Variants in CDH18 observed in about 807,000 individuals in gnomAD.
CDH18 encodes the protein cadherin-18.
A neutral mutation model predicts 67.9 loss-of-function variants in CDH18; 31 were observed. The observed-to-expected ratio is 0.46, with a 90% CI of 0.34 to 0.62. The LOEUF is 0.62. Among genes scored for constraint, CDH18 ranks in the 20% least tolerant of loss-of-function variants. CDH18 has a pLI of 0.01. For synonymous variants in CDH18, 362 were observed against 347.2 expected, an observed-to-expected ratio of 1.04 and a Z score of -0.48; for missense variants, 890 against 975.5, an observed-to-expected ratio of 0.91 and a Z score of 1.17.
At chr5:19,685,016 C>T (rs555489893) in intron 5 of CDH18, among the ~76,000 whole-genome samples, 8 of 152,156 alleles carry the variant, frequency 5.3e-5, no homozygotes, top group Admixed American at 2.0e-4. Context: ...GAATGGCTTA[C>T]GTGACATGTC....
chr5:19,621,214 A>AG lies in CDH18; in HGVS notation c.644-8614dup, dbSNP rs1254558096. Among the ~76,000 whole-genome samples, 3 of 102,906 alleles carry AG rather than the reference A, an allele frequency of 2.9e-5. No homozygotes were observed. In the Admixed American group the frequency reaches 3.2e-4, roughly 11 times the overall value. The allele number at this position is 102,906 out of a possible 152,430, so 67.5% of individuals were successfully genotyped here. ...TGTGGTTTAGCCTAAACAAGAACCC[A>AG]GGTTTTTTTTTTTTTTTTGGATGTA... On this transcript the variant is annotated intron_variant, in intron 5 of 12. Transcript: ENST00000382275.
intron 1 of CDH18, among the ~76,000 whole-genome samples, chr5:19,986,328 GAGTTTCC>G (rs1252652733): frequency 1.3e-5 from 2 of 152,160 alleles, no homozygotes; most frequent in African/African-American, 4.8e-5. Context: ...GTTACAGCTA[GAGTTTCC>G]TGCCACTCAC....
intron 7 of CDH18, among the ~76,000 whole-genome samples, chr5:19,585,046 A>G (rs917080263): frequency 1.3e-5 from 2 of 151,988 alleles, no homozygotes; most frequent in African/African-American, 4.8e-5. Flanking sequence ...AACTTATTAA[A>G]TGTCAAGAAT....
intron 5 of CDH18, among the ~76,000 whole-genome samples, chr5:19,627,664 C>T (rs1243339643): frequency 3.9e-5 from 6 of 152,110 alleles, no homozygotes. Context: ...TAAACATACA[C>T]TTATATACAT....
At chr5:19,729,991 T>C (rs994154470) in intron 4 of CDH18, among the ~76,000 whole-genome samples, 1 of 152,064 alleles carries the variant, frequency 6.6e-6, no homozygotes, top group Non-Finnish European at 1.5e-5. Context: ...TTTCTGTCTC[T>C]CTCTCCCTGC....
chr5:19,695,893 G>A (rs1041827851), intron 5 of CDH18, among the ~76,000 whole-genome samples: 3 of 152,124 alleles, frequency 2.0e-5, no homozygotes, highest in African/African-American at 7.2e-5. Flanking sequence ...ATCAAAATAA[G>A]GTTGATGGTA....
intron 1 of CDH18, among the ~76,000 whole-genome samples, chr5:20,434,813 C>A (rs2150181397): frequency 6.6e-6 from 1 of 151,970 alleles, no homozygotes; most frequent in South Asian, 2.1e-4. Flanking sequence ...TCAGAGACGC[C>A]ACAAGCATTC....
chr5:19,833,414 T>C (rs1356392092), intron 3 of CDH18, among the ~76,000 whole-genome samples: 1 of 152,098 alleles, frequency 6.6e-6, no homozygotes, highest in Non-Finnish European at 1.5e-5. Context: ...CTTAAGGAAA[T>C]TTTGGGCTTA....
At chr5:19,616,069 G>A (rs1749782632) in intron 5 of CDH18, among the ~76,000 whole-genome samples, 1 of 152,084 alleles carries the variant, frequency 6.6e-6, no homozygotes, top group Non-Finnish European at 1.5e-5. Context: ...TTTCTGGATT[G>A]TATAATGAAT....
At chr5:19,738,206 C>T (rs1466132254) in intron 4 of CDH18, among the ~76,000 whole-genome samples, 1 of 151,914 alleles carries the variant, frequency 6.6e-6, no homozygotes, top group Admixed American at 6.6e-5. Context: ...CTACGGACCA[C>T]TATAATATCA....
At chr5:20,376,089 CAA>C (rs1446475474) in intron 1 of CDH18, among the ~76,000 whole-genome samples, 1 of 19,682 alleles carries the variant, frequency 5.1e-5, no homozygotes, top group Non-Finnish European at 1.3e-4. Flanking sequence ...TAAAAAGAAA[CAA>C]TTTTTTTTTT....
chr5:19,910,017 T>A (rs1452871532), intron 2 of CDH18, among the ~76,000 whole-genome samples: 1 of 152,174 alleles, frequency 6.6e-6, no homozygotes, highest in African/African-American at 2.4e-5. Context: ...GTAATAAACA[T>A]CCTTTATGGG....
chr5:20,114,206 C>T (rs1747707182), intron 2 of CDH18, among the ~76,000 whole-genome samples: 1 of 152,122 alleles, frequency 6.6e-6, no homozygotes, highest in African/African-American at 2.4e-5. Context: ...ATAAACTGTA[C>T]CTAAAAATAT....
At chr5:20,254,831 C>G (rs79337452) in intron 2 of CDH18, among the ~76,000 whole-genome samples, 317 of 152,090 alleles carry the variant, frequency 2.1e-3, no homozygotes, top group African/African-American at 7.3e-3. Context: ...CATTGCAACA[C>G]TAGGCACAAT....
chr5:19,748,817 A>ATTTT (rs1244360842), intron 3 of CDH18, among the ~76,000 whole-genome samples: 1 of 152,172 alleles, frequency 6.6e-6, no homozygotes, highest in Non-Finnish European at 1.5e-5. Flanking sequence ...CAACTGAAAC[A>ATTTT]TAAATGATAG....
intron 3 of CDH18, among the ~76,000 whole-genome samples, chr5:19,775,543 G>A (rs146112714): frequency 1.4e-5 from 2 of 144,340 alleles, no homozygotes; most frequent in African/African-American, 2.8e-5. Flanking sequence ...GAAAGACAGT[G>A]GGGGGGAGAT....
intron 5 of CDH18, among the ~76,000 whole-genome samples, chr5:19,710,603 A>C (rs966632823): frequency 1.3e-5 from 2 of 152,116 alleles, no homozygotes; most frequent in Non-Finnish European, 2.9e-5. Flanking sequence ...AAAATCCTAA[A>C]CTAGAATATT....
intron 2 of CDH18, among the ~76,000 whole-genome samples, chr5:19,960,146 T>C (rs1340042056): frequency 1.3e-5 from 2 of 152,076 alleles, no homozygotes; most frequent in African/African-American, 4.8e-5. Context: ...TTTTCTTTCT[T>C]TAACAGTAAG....
At chr5:19,523,603 T>G (rs912335851) in intron 9 of CDH18, among the ~76,000 whole-genome samples, 1 of 151,898 alleles carries the variant, frequency 6.6e-6, no homozygotes, top group African/African-American at 2.4e-5. Context: ...TGAAAAAAAG[T>G]AGGTTAATCA....
Sources: allele counts gnomAD v4.1 joint callset (sites outside exome capture counted in the v4.1 genomes callset), GRCh38; gene constraint gnomAD v4.1.1; transcripts MANE v1.5; gene names NCBI Gene and HGNC (gene_info 2026-07-23, HGNC 2026-07-21).